The following SPOCK1 variants were observed in gnomAD, a reference collection of about 807,000 sequenced individuals.
SPOCK1 encodes SPARC (osteonectin), cwcv and kazal like domains proteoglycan 1, also known as testican-1.
SPOCK1 carries 23 observed loss-of-function variants against 55.3 expected under a neutral mutation model. The observed-to-expected ratio is 0.42, with a 90% CI of 0.30 to 0.59. The LOEUF is 0.59. SPOCK1 is among the 20% of genes least tolerant of loss of function. The pLI is 0.22. For missense variants in SPOCK1, 499 were observed against 552.5 expected (o/e 0.90, Z 0.97); for synonymous variants, 226 against 221.0 (o/e 1.02, Z -0.20).
At chr5:137,304,065 GTTTTT>G (rs59137765) in intron 2 of SPOCK1, among the ~76,000 whole-genome samples, 1 of 68,828 alleles carries the variant, frequency 1.5e-5, no homozygotes, top group African/African-American at 1.0e-4. Flanking sequence ...AATGCAATGG[GTTTTT>G]TTTTTTTTTT....
At chr5:137,339,887 G>A (rs1320526307) in intron 2 of SPOCK1, among the ~76,000 whole-genome samples, 1 of 152,080 alleles carries the variant, frequency 6.6e-6, no homozygotes, top group Non-Finnish European at 1.5e-5. Context: ...TGCTAACCTG[G>A]GGACAGCACC....
chr5:137,486,722 A>G (rs762020505), intron 2 of SPOCK1, among the ~76,000 whole-genome samples: 1 of 152,268 alleles, frequency 6.6e-6, no homozygotes, highest in Non-Finnish European at 1.5e-5. Flanking sequence ...TTTCTGGCAT[A>G]GGAATTTTTA....
chr5:137,267,778 CT>C (rs1303032661), intron 2 of SPOCK1, among the ~76,000 whole-genome samples: 2 of 152,194 alleles, frequency 1.3e-5, no homozygotes. Flanking sequence ...TAACCCTTTC[CT>C]TCCTAACAGC....
At chr5:137,198,140 A>G (rs2127074302) in intron 3 of SPOCK1, among the ~76,000 whole-genome samples, 1 of 152,328 alleles carries the variant, frequency 6.6e-6, no homozygotes, top group South Asian at 2.1e-4. Context: ...ATTGTTGTTT[A>G]AAAACAAATG....
At chr5:137,466,892 C>T (rs1041256479) in intron 2 of SPOCK1, among the ~76,000 whole-genome samples, 3 of 152,220 alleles carry the variant, frequency 2.0e-5, no homozygotes, top group Non-Finnish European at 2.9e-5. Context: ...TGCTCAGTGC[C>T]TCTGCCTCAA....
chr5:137,296,353 G>A (rs901006925), intron 2 of SPOCK1, among the ~76,000 whole-genome samples: 2 of 152,178 alleles, frequency 1.3e-5, no homozygotes, highest in South Asian at 4.1e-4. Flanking sequence ...AGGGGAGCCC[G>A]CATTCAAACT....
At chr5:137,339,932 GT>G (rs1750381048) in intron 2 of SPOCK1, among the ~76,000 whole-genome samples, 2 of 152,162 alleles carry the variant, frequency 1.3e-5, no homozygotes, top group Admixed American at 1.3e-4. Flanking sequence ...TGCCCACGGG[GT>G]CCAGCTCAGG....
chr5:137,017,152 G>A lies in SPOCK1; in HGVS notation c.590-24552C>T, dbSNP rs573321926. Among the ~76,000 whole-genome samples, 13 of 152,350 alleles carry A rather than the reference G, an allele frequency of 8.5e-5. No individual in the cohort carries two copies. The East Asian group carries it at 9.6e-4, about 11-fold the overall frequency. On this transcript the variant is annotated intron_variant, in intron 6 of 10. Coordinates refer to ENST00000394945, the MANE Select transcript of SPOCK1 (RefSeq NM_004598.4). Reference sequence around the variant, plus strand: ...GGGAGGACCTCAGCTACCACAGAGCGAGGAATTAAATAGTCAACTCAGCCA... The same window carrying A: ...GGGAGGACCTCAGCTACCACAGAGCAAGGAATTAAATAGTCAACTCAGCCA...
At chr5:137,085,200 C>A (rs6876469) in intron 5 of SPOCK1, among the ~76,000 whole-genome samples, 23,349 of 152,008 alleles carry the variant, frequency 0.15, 1,867 homozygotes, top group Admixed American at 0.2. Flanking sequence ...TCTGGAGATG[C>A]CCCACCTGGC....
At chr5:137,467,474 G>A (rs1047341024) in intron 2 of SPOCK1, among the ~76,000 whole-genome samples, 2 of 152,130 alleles carry the variant, frequency 1.3e-5, no homozygotes, top group South Asian at 4.1e-4. Flanking sequence ...ACATATTAAA[G>A]AAAATAGACA....
At chr5:137,269,605 G>A (rs1262191084) in intron 2 of SPOCK1, among the ~76,000 whole-genome samples, 1 of 152,204 alleles carries the variant, frequency 6.6e-6, no homozygotes, top group Admixed American at 6.5e-5. Context: ...CTAGGTTCAA[G>A]GGCTTCCACA....
intron 2 of SPOCK1, among the ~76,000 whole-genome samples, chr5:137,476,280 A>T (rs1394320350): frequency 1.3e-5 from 2 of 152,188 alleles, no homozygotes; most frequent in African/African-American, 2.4e-5. Flanking sequence ...ATTAAAAAAG[A>T]TGGTGACCTG....
At chr5:137,075,133 C>T (rs1442000941) in intron 5 of SPOCK1, among the ~76,000 whole-genome samples, 1 of 152,210 alleles carries the variant, frequency 6.6e-6, no homozygotes, top group African/African-American at 2.4e-5. Context: ...GCCACTGCAA[C>T]AACTGTCAAA....
intron 9 of SPOCK1, among the ~76,000 whole-genome samples, chr5:136,984,922 T>C (rs1174059264): frequency 1.3e-5 from 2 of 152,238 alleles, no homozygotes; most frequent in African/African-American, 4.8e-5. Context: ...CGGCCCTGGC[T>C]GACCTCTCTT....
chr5:137,236,955 C>T (rs1166581186), intron 3 of SPOCK1, among the ~76,000 whole-genome samples: 4 of 152,210 alleles, frequency 2.6e-5, no homozygotes, highest in Non-Finnish European at 5.9e-5. Flanking sequence ...TCTAATTACT[C>T]TGGGGTGAGG....
intron 3 of SPOCK1, among the ~76,000 whole-genome samples, chr5:137,196,809 C>G (rs1000576950): frequency 6.6e-6 from 1 of 152,232 alleles, no homozygotes; most frequent in African/African-American, 2.4e-5. Flanking sequence ...TCTTTATCAT[C>G]ATGTGACCAG....
intron 3 of SPOCK1, among the ~76,000 whole-genome samples, chr5:137,184,059 G>A (rs1022058727): frequency 1.6e-4 from 25 of 152,140 alleles, no homozygotes; most frequent in African/African-American, 5.8e-4. Flanking sequence ...GCTAAGGTGT[G>A]GCCTTAGGAT....
chr5:137,201,310 A>G (rs1425958767), intron 3 of SPOCK1, among the ~76,000 whole-genome samples: 2 of 152,222 alleles, frequency 1.3e-5, no homozygotes, highest in African/African-American at 4.8e-5. Context: ...CTGATAATGA[A>G]TCCACTACAA....
intron 3 of SPOCK1, among the ~76,000 whole-genome samples, chr5:137,180,987 C>T (rs891052160): frequency 6.6e-6 from 1 of 152,060 alleles, no homozygotes; most frequent in African/African-American, 2.4e-5. Context: ...GGGCTGGGCA[C>T]CAGGCAGAAA....
Sources: gnomAD v4.1 joint callset for allele counts (sites outside exome capture counted in the v4.1 genomes callset) on GRCh38, gnomAD v4.1.1 for gene constraint, MANE v1.5 for transcripts, NCBI Gene and HGNC (gene_info 2026-07-23, HGNC 2026-07-21) for gene names.